The following MAGI2 variants were observed in gnomAD, a reference collection of about 807,000 sequenced individuals.
The protein encoded by MAGI2 is membrane associated guanylate kinase, WW and PDZ domain containing 2, also known as membrane-associated guanylate kinase, WW and PDZ domain-containing protein 2.
A neutral mutation model predicts 133.3 loss-of-function variants in MAGI2; 35 were observed. That is an observed-to-expected ratio of 0.26 (90% CI 0.20 to 0.35). The LOEUF (loss-of-function observed/expected upper bound fraction) is 0.35, where lower values mean the gene tolerates loss of function less well. Ranked by LOEUF, MAGI2 falls within the 10% of genes least tolerant of loss-of-function variation. MAGI2 has a pLI of 1.00. For missense variants in MAGI2, 1,636 were observed against 1,863.4 expected (o/e 0.88, Z 2.25); for synonymous variants, 729 against 710.6 (o/e 1.03, Z -0.41).
intron 9 of MAGI2, among the ~76,000 whole-genome samples, chr7:78,286,790 A>C (rs1796186448): frequency 6.6e-6 from 1 of 152,192 alleles, no homozygotes; most frequent in Non-Finnish European, 1.5e-5. Context: ...ATGGTCTCAG[A>C]GAGAAATAAA....
At chr7:78,373,476 G>A (rs1463221639) in intron 6 of MAGI2, among the ~76,000 whole-genome samples, 1 of 152,162 alleles carries the variant, frequency 6.6e-6, no homozygotes, top group African/African-American at 2.4e-5. Context: ...CCACTTTGTA[G>A]TATTTTTGTA....
intron 10 of MAGI2, among the ~76,000 whole-genome samples, chr7:78,212,434 G>T (rs1787859355): frequency 6.6e-6 from 1 of 152,132 alleles, no homozygotes; most frequent in Non-Finnish European, 1.5e-5. Context: ...AGCGTGAGGA[G>T]GCTCTGACTT....
chr7:79,354,197 G>A (rs1841867678), intron 1 of MAGI2: 1 of 152,116 alleles, frequency 6.6e-6, no homozygotes. Context: ...CCGCCTCTGG[G>A]GTGGGGCTTT....
intron 1 of MAGI2, among the ~76,000 whole-genome samples, chr7:79,247,278 A>T (rs1832895037): frequency 6.6e-6 from 1 of 152,204 alleles, no homozygotes; most frequent in African/African-American, 2.4e-5. Context: ...TGATGTGAAT[A>T]CTATTCATAT....
intron 2 of MAGI2, among the ~76,000 whole-genome samples, chr7:78,667,447 A>T (rs1813738058): frequency 6.6e-6 from 1 of 151,284 alleles, no homozygotes; most frequent in African/African-American, 2.4e-5. Context: ...TGTGCAAGTT[A>T]GTTACATATG....
chr7:78,533,387 A>G (rs1797626327), intron 3 of MAGI2, among the ~76,000 whole-genome samples: 1 of 152,226 alleles, frequency 6.6e-6, no homozygotes, highest in African/African-American at 2.4e-5. Context: ...ACAAGGAGGC[A>G]CTGGAAAAAG....
At chr7:79,163,182 G>A (rs745524740) in intron 1 of MAGI2, among the ~76,000 whole-genome samples, 1 of 151,942 alleles carries the variant, frequency 6.6e-6, no homozygotes, top group Non-Finnish European at 1.5e-5. Context: ...ATTTATTTAT[G>A]TATATATTTT....
chr7:78,603,840 A>G (rs973927012), intron 3 of MAGI2, among the ~76,000 whole-genome samples: 1 of 152,094 alleles, frequency 6.6e-6, no homozygotes, highest in African/African-American at 2.4e-5. Context: ...ATTTTCTTAT[A>G]GGCTACCAAG....
chr7:78,852,284 C>G (rs1394731557), intron 2 of MAGI2, among the ~76,000 whole-genome samples: 3 of 151,882 alleles, frequency 2.0e-5, no homozygotes, highest in African/African-American at 7.2e-5. Context: ...TGCAGGAGGT[C>G]TTTGTATTAT....
chr7:79,383,823 A>G (rs965208161), intron 1 of MAGI2, among the ~76,000 whole-genome samples: 1 of 151,652 alleles, frequency 6.6e-6, no homozygotes, highest in Non-Finnish European at 1.5e-5. Flanking sequence ...CTTCGCTAAC[A>G]TGATACAGCA....
chr7:79,005,219 C>T (rs1241893098), intron 2 of MAGI2, among the ~76,000 whole-genome samples: 1 of 152,030 alleles, frequency 6.6e-6, no homozygotes, highest in Non-Finnish European at 1.5e-5. Flanking sequence ...TTAAAAACTT[C>T]ATTAGTCAAT....
intron 2 of MAGI2, among the ~76,000 whole-genome samples, chr7:78,812,274 A>C (rs1789131252): frequency 6.6e-6 from 1 of 152,232 alleles, no homozygotes; most frequent in Admixed American, 6.5e-5. Context: ...TTACAGCAGC[A>C]GTAAAAAACT....
At chr7:78,951,035 G>A (rs574856349) in intron 2 of MAGI2, among the ~76,000 whole-genome samples, 5 of 148,706 alleles carry the variant, frequency 3.4e-5, no homozygotes, top group Admixed American at 1.4e-4. Context: ...GCAGTGGTGC[G>A]ATCTCAGCTA....
At chr7:79,011,924 CCTTT>C (rs147300397) in intron 1 of MAGI2, among the ~76,000 whole-genome samples, 3,925 of 120,800 alleles carry the variant, frequency 0.032, 111 homozygotes, top group Non-Finnish European at 0.042. Context: ...TTCCTTCCTT[CCTTT>C]CTTTCTTTCT....
chr7:78,283,367 A>C (rs780503705), intron 9 of MAGI2, among the ~76,000 whole-genome samples: 3 of 152,162 alleles, frequency 2.0e-5, no homozygotes, highest in Admixed American at 1.3e-4. Flanking sequence ...CTTGAAAAGA[A>C]TGGCTGGTGA....
intron 1 of MAGI2, among the ~76,000 whole-genome samples, chr7:79,318,499 C>T (rs371972965): frequency 6.6e-6 from 1 of 152,194 alleles, no homozygotes; most frequent in Non-Finnish European, 1.5e-5. Context: ...CTTTTGAATT[C>T]TATATTTTCT....
chr7:78,788,703 T>C (rs1199354513), intron 2 of MAGI2, among the ~76,000 whole-genome samples: 1 of 152,216 alleles, frequency 6.6e-6, no homozygotes, highest in Non-Finnish European at 1.5e-5. Context: ...CACCCTTTTT[T>C]ATTCAGGGAT....
chr7:78,057,565 G>C (rs548848451), intron 21 of MAGI2, among the ~76,000 whole-genome samples: 1 of 152,198 alleles, frequency 6.6e-6, no homozygotes, highest in African/African-American at 2.4e-5. Context: ...TATCTCACTG[G>C]GATTTTGATT....
At chr7:78,510,328 A>C (rs1563102252) in intron 4 of MAGI2, among the ~76,000 whole-genome samples, 1 of 152,162 alleles carries the variant, frequency 6.6e-6, no homozygotes, top group African/African-American at 2.4e-5. Context: ...AATGGGGATA[A>C]TGAAGTTACC....
Sources: gnomAD v4.1 joint callset for allele counts (sites outside exome capture counted in the v4.1 genomes callset) on GRCh38, gnomAD v4.1.1 for gene constraint, MANE v1.5 for transcripts, NCBI Gene and HGNC (gene_info 2026-07-23, HGNC 2026-07-21) for gene names.